LMBRD1: variants seen among roughly 807,000 people sequenced by gnomAD.
LMBRD1 encodes lysosomal cobalamin transport escort protein LMBD1.
LMBRD1 carries 64 observed loss-of-function variants against 74.8 expected under a neutral mutation model. The ratio of observed to expected loss-of-function variants is 0.86; its 90% CI spans 0.70 to 1.05. LMBRD1 has a LOEUF of 1.05. Ranked by LOEUF, LMBRD1 falls within the 50% of genes least tolerant of loss-of-function variation. The pLI, the probability that LMBRD1 is intolerant of heterozygous loss-of-function variation, is 0.00. For synonymous variants in LMBRD1, 204 were observed against 216.3 expected, an observed-to-expected ratio of 0.94 and a Z score of 0.50; for missense variants, 652 against 645.9, an observed-to-expected ratio of 1.01 and a Z score of -0.10.
intron 14 of LMBRD1, among the ~76,000 whole-genome samples, chr6:69,677,603 T>C (rs956284285): frequency 1.6e-4 from 25 of 152,160 alleles, no homozygotes; most frequent in Non-Finnish European, 7.4e-5. Context: ...ACTTAGCATG[T>C]TACAGTGTGT....
At chr6:69,734,130 A>C (rs930293647) in intron 7 of LMBRD1, among the ~76,000 whole-genome samples, 2 of 152,022 alleles carry the variant, frequency 1.3e-5, no homozygotes, top group Non-Finnish European at 2.9e-5. Context: ...TGCTTAAAGA[A>C]AACCAATAAC....
chr6:69,681,399 A>G lies in LMBRD1; in HGVS notation c.1418-4858T>C, dbSNP rs182277156. Among the ~76,000 whole-genome samples the G allele has an allele frequency of 1.6e-3, 241 of 152,088 alleles. 1 individual carries two copies. Among genetic ancestry groups the G allele is most frequent in the Non-Finnish European group, 2.5e-3 (168 of 67,906 alleles). The stretch of plus-strand genomic sequence containing the variant: ...ATTTATCTGATAAATTTTATATTAT[A>G]TATTTCCTGTTTCCTTTGTTATGTC... On this transcript the variant is annotated intron_variant, in intron 14 of 15. Coordinates refer to ENST00000649934, the MANE Select transcript of LMBRD1 (RefSeq NM_018368.4).
At chr6:69,678,796 T>C (rs1356666461) in intron 14 of LMBRD1, among the ~76,000 whole-genome samples, 3 of 152,120 alleles carry the variant, frequency 2.0e-5, no homozygotes, top group South Asian at 2.1e-4. Context: ...GAGGGCTACA[T>C]AGTCCAGCTT....
At chr6:69,794,137 T>C (rs572476052) in intron 1 of LMBRD1, among the ~76,000 whole-genome samples, 25 of 152,334 alleles carry the variant, frequency 1.6e-4, no homozygotes, top group African/African-American at 5.8e-4. Flanking sequence ...ATTCTCATAA[T>C]AAATACTAAG....
chr6:69,702,018 TTA>T, intron 9 of LMBRD1, 65 bp from the exon 10 acceptor site: 1 of 913,282 alleles, frequency 1.1e-6, no homozygotes, highest in Non-Finnish European at 1.8e-6. Context: ...CACAAAATCA[TTA>T]TATTCAATAT....
chr6:69,787,590 CA>C (rs774323125), intron 2 of LMBRD1, among the ~76,000 whole-genome samples: 1 of 151,954 alleles, frequency 6.6e-6, no homozygotes, highest in Non-Finnish European at 1.5e-5. Flanking sequence ...ACTAAAAATA[CA>C]AAAAATTGGC....
chr6:69,779,629 A>T (rs530108006), intron 3 of LMBRD1, among the ~76,000 whole-genome samples: 1 of 152,310 alleles, frequency 6.6e-6, no homozygotes, highest in African/African-American at 2.4e-5. Context: ...AGGAGTGGGA[A>T]ATTGGTAATG....
intron 14 of LMBRD1, among the ~76,000 whole-genome samples, chr6:69,694,181 T>C (rs998516357): frequency 2.0e-5 from 3 of 152,110 alleles, no homozygotes; most frequent in Admixed American, 6.5e-5. Context: ...AGTCCAGTAA[T>C]ATCAGGGCAT....
Position 69,697,618 on chromosome 6 carries a change from A to G in LMBRD1, c.1362T>C (p.His454=). The G allele has an allele frequency of 6.3e-7, 1 of 1,599,278 alleles. No individual in the cohort carries two copies. The highest frequency in any genetic ancestry group is 1.1e-5 in the South Asian group (1 of 90,746). ...LIETNITSDN[H]KGNSTLSVPK... ...GCACAGAAAGGGTTGAATTGCCTTTATGATTATCAGAAGTTATATTAGTCT... is the reference window on the plus strand; with the variant it reads ...GCACAGAAAGGGTTGAATTGCCTTTGTGATTATCAGAAGTTATATTAGTCT... The change falls in exon 14 of 16, where the codon CAT becomes CAC. Residue 454 remains histidine (H), a synonymous_variant. Coordinates refer to ENST00000649934, the MANE Select transcript of LMBRD1 (RefSeq NM_018368.4).
At chr6:69,720,461 T>G (rs1319136062) in intron 7 of LMBRD1, among the ~76,000 whole-genome samples, 1 of 152,236 alleles carries the variant, frequency 6.6e-6, no homozygotes, top group Non-Finnish European at 1.5e-5. Flanking sequence ...GAAAATGTAA[T>G]TTGGATACCA....
intron 7 of LMBRD1, among the ~76,000 whole-genome samples, chr6:69,734,299 C>T (rs1420480705): frequency 2.6e-5 from 4 of 152,142 alleles, no homozygotes; most frequent in Admixed American, 6.5e-5. Context: ...TTATCAATAT[C>T]CTTCAGCCCA....
intron 1 of LMBRD1, among the ~76,000 whole-genome samples, chr6:69,792,819 A>G (rs1410836897): frequency 1.3e-5 from 2 of 152,214 alleles, no homozygotes; most frequent in Non-Finnish European, 2.9e-5. Context: ...TGCATTTTGT[A>G]GGTATTACTG....
intron 7 of LMBRD1, among the ~76,000 whole-genome samples, chr6:69,729,365 T>C (rs1368454143): frequency 6.6e-6 from 1 of 151,830 alleles, no homozygotes; most frequent in African/African-American, 2.4e-5. Flanking sequence ...ATTATTCATC[T>C]GCACATTTGT....
intron 14 of LMBRD1, 62 bp from the exon 15 acceptor site, chr6:69,676,603 C>T (rs987262869): frequency 2.4e-5 from 30 of 1,249,488 alleles, no homozygotes; most frequent in Non-Finnish European, 3.1e-5. Flanking sequence ...ATGATTAATA[C>T]TTTCTCTAAA....
chr6:69,752,152 T>C, intron 4 of LMBRD1, 107 bp downstream of exon 4: 1 of 1,037,802 alleles, frequency 9.6e-7, no homozygotes, highest in South Asian at 1.5e-5. Flanking sequence ...ATTGTATTTC[T>C]ATTAGACAAC....
chr6:69,774,579 A>C (rs1765648180), intron 3 of LMBRD1, among the ~76,000 whole-genome samples: 1 of 152,176 alleles, frequency 6.6e-6, no homozygotes, highest in Non-Finnish European at 1.5e-5. Context: ...TTGTAGAAAT[A>C]GGGAGAGGCC....
chr6:69,744,519 G>A (rs1767176172), intron 5 of LMBRD1, among the ~76,000 whole-genome samples: 4 of 152,140 alleles, frequency 2.6e-5, no homozygotes, highest in Middle Eastern at 3.2e-3. Flanking sequence ...CTGATTCACT[G>A]AATTAACTTC....
At chr6:69,744,309 A>C (rs1028461431) in intron 5 of LMBRD1, among the ~76,000 whole-genome samples, 5 of 152,220 alleles carry the variant, frequency 3.3e-5, no homozygotes, top group Admixed American at 3.3e-4. Flanking sequence ...CATTATTGGA[A>C]TACTAAGCTT....
intron 7 of LMBRD1, among the ~76,000 whole-genome samples, chr6:69,721,830 T>C (rs551019435): frequency 1.3e-3 from 203 of 152,310 alleles, no homozygotes; most frequent in Non-Finnish European, 2.7e-3. Flanking sequence ...GGGAGCCCAT[T>C]GCCCTGCAGG....
Sources: gnomAD v4.1 joint callset for allele counts (sites outside exome capture counted in the v4.1 genomes callset) on GRCh38, gnomAD v4.1.1 for gene constraint, MANE v1.5 for transcripts, NCBI Gene and HGNC (gene_info 2026-07-23, HGNC 2026-07-21) for gene names.